Variants in AZIN2 observed in about 807,000 individuals in gnomAD.
AZIN2 encodes antizyme inhibitor 2, also known as ODC antizyme inhibitor-2.
Under a neutral mutation model 47.8 loss-of-function variants are expected in AZIN2, and 28 were observed. The observed-to-expected ratio is 0.59, with a 90% CI of 0.43 to 0.80. The LOEUF is 0.80. Among genes scored for constraint, AZIN2 ranks in the 30% least tolerant of loss-of-function variants. The pLI is 0.00. For synonymous variants in AZIN2, 221 were observed against 239.4 expected (o/e 0.92, Z 0.71); for missense variants, 535 against 582.5 (o/e 0.92, Z 0.84).
At chr1:33,094,827 T>A in intron 8 of AZIN2, 114 bp downstream of exon 8, 48 of 1,107,372 alleles carry the variant, frequency 4.3e-5, no homozygotes, top group Non-Finnish European at 5.5e-5. Context: ...CATGCAGTGC[T>A]TGGTGCTTAC....
chr1:33,134,674 G>C, the AZIN2 span, among the ~76,000 whole-genome samples: 12 of 152,330 alleles, frequency 7.9e-5, no homozygotes, highest in African/African-American at 2.9e-4. Context: ...TGGCATGGGA[G>C]ACTGCAGGAA....
At chr1:33,096,959 C>G in intron 9 of AZIN2, 90 bp downstream of exon 9, 1 of 1,514,344 alleles carries the variant, frequency 6.6e-7, no homozygotes, top group Non-Finnish European at 9.1e-7. Flanking sequence ...GACCCAGTGG[C>G]AGAGGATGGG....
At chr1:33,157,406 C>T in the AZIN2 span, among the ~76,000 whole-genome samples, 1 of 152,156 alleles carries the variant, frequency 6.6e-6, no homozygotes, top group Non-Finnish European at 1.5e-5. Flanking sequence ...CAGCCCTTGA[C>T]TCTAATGCTT....
intron 7 of AZIN2, 138 bp from the exon 8 acceptor site, chr1:33,094,410 C>T: frequency 1.1e-6 from 1 of 918,480 alleles, no homozygotes; most frequent in Non-Finnish European, 1.6e-6. Context: ...ACCCATTGAA[C>T]ATTTCAGGAC....
downstream of AZIN2, among the ~76,000 whole-genome samples, chr1:33,125,893 G>A (rs764051443): frequency 3.9e-5 from 6 of 152,158 alleles, no homozygotes; most frequent in East Asian, 1.9e-4. Context: ...TGGGAGTGAC[G>A]GCTCATTCTT....
chr1:33,119,201 T>C (rs1414519658), intron 11 of AZIN2: 4 of 152,800 alleles, frequency 2.6e-5, no homozygotes, highest in Admixed American at 2.0e-4. Context: ...AAGGTGGCCA[T>C]AGTGGATGGC....
At chr1:33,130,114 C>T in the AZIN2 span, among the ~76,000 whole-genome samples, 13 of 152,196 alleles carry the variant, frequency 8.5e-5, no homozygotes, top group African/African-American at 3.1e-4. Context: ...CTGCCTTGGC[C>T]TCCCAAAGTG....
intron 9 of AZIN2, among the ~76,000 whole-genome samples, chr1:33,097,672 G>A (rs74064968): frequency 1.3e-5 from 2 of 152,164 alleles, no homozygotes; most frequent in Non-Finnish European, 2.9e-5. Flanking sequence ...AGACCTGGGG[G>A]ATTGTCCCGT....
At chr1:33,101,778 A>G in intron 10 of AZIN2, 1 of 749,624 alleles carries the variant, frequency 1.3e-6, no homozygotes, top group African/African-American at 1.7e-5. Flanking sequence ...TTGCTTTATA[A>G]AAAGGTATTT....
At chr1:33,096,966 T>A in intron 9 of AZIN2, 97 bp downstream of exon 9, 3 of 1,449,370 alleles carry the variant, frequency 2.1e-6, no homozygotes, top group South Asian at 2.4e-5. Context: ...TGGCAGAGGA[T>A]GGGGGAATCT....
At chr1:33,132,240 G>A in the AZIN2 span, among the ~76,000 whole-genome samples, 2 of 152,294 alleles carry the variant, frequency 1.3e-5, no homozygotes, top group South Asian at 2.1e-4. Flanking sequence ...AAAAGGCAGC[G>A]TGAGCTCTCC....
chr1:33,145,527 T>A, the AZIN2 span: 2 of 172,516 alleles, frequency 1.2e-5, no homozygotes, highest in African/African-American at 4.8e-5. Flanking sequence ...GGGCTGACAA[T>A]TCCTTTTGCC....
chr1:33,141,737 A>G, the AZIN2 span: 1 of 162,730 alleles, frequency 6.1e-6, no homozygotes, highest in Non-Finnish European at 1.3e-5. Context: ...TAAAGCAGAT[A>G]GAAAACTGTT....
chr1:33,098,007 C>T (rs750154389), intron 9 of AZIN2, 60 bp from the exon 10 acceptor site: 2 of 1,273,494 alleles, frequency 1.6e-6, no homozygotes, highest in Non-Finnish European at 2.3e-6. Flanking sequence ...GTTGTGTCAG[C>T]CCCACTACCA....
chr1:33,158,473 T>C, the AZIN2 span: 1 of 841,092 alleles, frequency 1.2e-6, no homozygotes. Context: ...GATGTGGTCA[T>C]GAGTGAGAAG....
chr1:33,157,449 T>C, the AZIN2 span, among the ~76,000 whole-genome samples: 159 of 152,272 alleles, frequency 1.0e-3, no homozygotes, highest in African/African-American at 3.6e-3. Flanking sequence ...CTGGACCACC[T>C]GTCTAAAATC....
chr1:33,104,007 C>T lies in AZIN2; in HGVS notation c.1029+5828C>T, dbSNP rs570870858. 1.6e-4 allele frequency among the ~76,000 whole-genome samples: 25 copies of T among 151,978 alleles called. No individual in the cohort carries two copies. The South Asian group carries it at 2.7e-3, about 16-fold the overall frequency. ...AAGTGATTCTGCTGCCTCAGCTTCCCGAGTAGCTGGGATTACAGGCGCCCG... is the reference window on the plus strand; with the variant it reads ...AAGTGATTCTGCTGCCTCAGCTTCCTGAGTAGCTGGGATTACAGGCGCCCG... On this transcript the variant is annotated intron_variant, in intron 10 of 11. Transcript: ENST00000294517.
chr1:33,143,908 C>T, the AZIN2 span, among the ~76,000 whole-genome samples: 3 of 152,222 alleles, frequency 2.0e-5, no homozygotes, highest in South Asian at 2.1e-4. Context: ...TGACCATGTG[C>T]GGCTCTGTGG....
chr1:33,133,504 C>T, the AZIN2 span, among the ~76,000 whole-genome samples: 8 of 152,180 alleles, frequency 5.3e-5, no homozygotes, highest in Non-Finnish European at 1.2e-4. Context: ...GACCTGGGAC[C>T]ACCGGCGGCA....
Sources: allele counts gnomAD v4.1 joint callset (sites outside exome capture counted in the v4.1 genomes callset), GRCh38; gene constraint gnomAD v4.1.1; transcripts MANE v1.5; gene names NCBI Gene and HGNC (gene_info 2026-07-23, HGNC 2026-07-21).